Variants in LRP1B observed in about 807,000 individuals in gnomAD.
LRP1B encodes LDL receptor related protein 1B.
A neutral mutation model predicts 556.6 loss-of-function variants in LRP1B; 217 were observed. That is an observed-to-expected ratio of 0.39 (90% CI 0.35 to 0.44). The LOEUF (loss-of-function observed/expected upper bound fraction) is 0.44. LRP1B is among the 20% of genes least tolerant of loss of function. The pLI, the probability that LRP1B is intolerant of heterozygous loss-of-function variation, is 1.00. For missense variants in LRP1B, 5,053 were observed against 5,620.8 expected, an observed-to-expected ratio of 0.90 and a Z score of 3.23; for synonymous variants, 2,047 against 1,865.8, an observed-to-expected ratio of 1.10 and a Z score of -2.50.
intron 27 of LRP1B, among the ~76,000 whole-genome samples, chr2:140,855,732 A>G (rs1438528973): frequency 6.6e-6 from 1 of 151,938 alleles, no homozygotes; most frequent in Non-Finnish European, 1.5e-5. Flanking sequence ...GGAGGCCAAG[A>G]TAAGAGGATC....
chr2:140,755,289 G>A (rs1688707620), intron 35 of LRP1B, among the ~76,000 whole-genome samples: 1 of 151,942 alleles, frequency 6.6e-6, no homozygotes, highest in Non-Finnish European at 1.5e-5. Context: ...CAGATTATGA[G>A]GAAACACTTC....
chr2:141,858,637 G>C (rs991460320), intron 1 of LRP1B, among the ~76,000 whole-genome samples: 1 of 148,276 alleles, frequency 6.7e-6, no homozygotes, highest in African/African-American at 2.4e-5. Context: ...TATTGACTTA[G>C]TGTTCTGTTT....
chr2:140,853,689 T>TAAAC (rs1396651560), intron 27 of LRP1B, among the ~76,000 whole-genome samples: 16 of 151,722 alleles, frequency 1.1e-4, no homozygotes, highest in Non-Finnish European at 1.2e-4. Flanking sequence ...TTAAAAACAA[T>TAAAC]AAATAAATAA....
At chr2:141,333,245 C>T (rs1465309479) in intron 3 of LRP1B, among the ~76,000 whole-genome samples, 1 of 152,032 alleles carries the variant, frequency 6.6e-6, no homozygotes, top group Admixed American at 6.6e-5. Context: ...GGGATAAACG[C>T]CATGGCACTA....
In LRP1B at chr2:140,840,989, A is replaced by G. The variant is rs370461554; in HGVS notation, c.5043T>C (p.Asp1681=). The change falls in exon 30 of 91, where the codon GAT becomes GAC. Residue 1681 remains aspartate, a synonymous_variant. Transcript: ENST00000389484. ...DETQINVARL[D]GSLKTSIIHG... ...GGATAATTGAGGTTTTCAAAGAGCC[A>G]TCTAGCCTTGCCACATTAATTTGCG... The G allele has an allele frequency of 5.6e-6, 9 of 1,613,510 alleles. No individual in the cohort carries two copies. The highest frequency in any genetic ancestry group is 4.0e-5 in the African/African-American group (3 of 74,902).
intron 1 of LRP1B, among the ~76,000 whole-genome samples, chr2:142,122,844 A>C (rs1707505408): frequency 6.6e-6 from 1 of 152,106 alleles, no homozygotes; most frequent in Non-Finnish European, 1.5e-5. Flanking sequence ...TGCTATTCTA[A>C]CATTTTTGTC....
chr2:141,384,658 C>T lies in LRP1B; in HGVS notation c.343+95738G>A, dbSNP rs903774006. ...AGCATAATAGCTCAGCAGCATGCCA[C>T]AGGTTGCTCGGGGAAATAACACTCC... On this transcript the variant is annotated intron_variant, in intron 3 of 90. Coordinates refer to ENST00000389484, the MANE Select transcript of LRP1B (RefSeq NM_018557.3). Among the ~76,000 whole-genome samples, 9 of 152,204 alleles carry T rather than the reference C, an allele frequency of 5.9e-5. 1 individual carries two copies. The highest frequency in any genetic ancestry group is 2.6e-4 in the Admixed American group (4 of 15,294).
At chr2:142,110,163 C>T (rs946225867) in intron 1 of LRP1B, among the ~76,000 whole-genome samples, 9 of 152,030 alleles carry the variant, frequency 5.9e-5, no homozygotes, top group Non-Finnish European at 1.2e-4. Flanking sequence ...GCCCATCATT[C>T]TTCCTGGAAT....
intron 79 of LRP1B, among the ~76,000 whole-genome samples, chr2:140,328,599 C>G (rs1558805488): frequency 6.6e-6 from 1 of 151,844 alleles, no homozygotes; most frequent in Non-Finnish European, 1.5e-5. Context: ...AAAATTATAT[C>G]CATTCTGTTT....
intron 11 of LRP1B, among the ~76,000 whole-genome samples, chr2:141,026,123 C>T (rs1409619379): frequency 6.6e-6 from 1 of 152,024 alleles, no homozygotes; most frequent in Non-Finnish European, 1.5e-5. Context: ...CAATATATCA[C>T]ACCTATTCTC....
At chr2:142,114,561 T>G (rs1305075789) in intron 1 of LRP1B, among the ~76,000 whole-genome samples, 1 of 152,140 alleles carries the variant, frequency 6.6e-6, no homozygotes, top group Non-Finnish European at 1.5e-5. Flanking sequence ...GTGGTACATA[T>G]ACACAATGAA....
chr2:141,642,992 A>G (rs1017165638), intron 2 of LRP1B, among the ~76,000 whole-genome samples: 2 of 152,124 alleles, frequency 1.3e-5, no homozygotes, highest in African/African-American at 4.8e-5. Flanking sequence ...TAAAAGACAA[A>G]CTTAAGGGTC....
At chr2:140,394,511 G>A (rs1411324438) in intron 66 of LRP1B, among the ~76,000 whole-genome samples, 7 of 152,082 alleles carry the variant, frequency 4.6e-5, no homozygotes, top group Non-Finnish European at 1.0e-4. Flanking sequence ...AACTTTGCAG[G>A]CCAGAGGAAA....
At chr2:140,968,997 G>T (rs143357374) in intron 18 of LRP1B, among the ~76,000 whole-genome samples, 17,549 of 152,234 alleles carry the variant, frequency 0.12, 1,128 homozygotes, top group East Asian at 0.19. Flanking sequence ...TGAGAAAAAT[G>T]TATGTTCTGT....
At chr2:141,582,830 T>A (rs1314563494) in intron 2 of LRP1B, among the ~76,000 whole-genome samples, 2 of 114,446 alleles carry the variant, frequency 1.7e-5, no homozygotes, top group African/African-American at 8.4e-5. Flanking sequence ...TATTAAACTT[T>A]TTTTTTTTTT....
chr2:141,802,596 G>A (rs1228330782), intron 2 of LRP1B, among the ~76,000 whole-genome samples: 1 of 152,066 alleles, frequency 6.6e-6, no homozygotes, highest in Non-Finnish European at 1.5e-5. Flanking sequence ...TTTCAGGGTA[G>A]AATGATGGAA....
At chr2:140,537,434 TCCTC>T (rs1357409381) in intron 45 of LRP1B, among the ~76,000 whole-genome samples, 2 of 151,984 alleles carry the variant, frequency 1.3e-5, no homozygotes, top group Non-Finnish European at 2.9e-5. Flanking sequence ...CGTCTGGTCT[TCCTC>T]CCTAACTATC....
intron 2 of LRP1B, among the ~76,000 whole-genome samples, chr2:141,616,475 A>G (rs1243742082): frequency 6.6e-6 from 1 of 152,148 alleles, no homozygotes; most frequent in Non-Finnish European, 1.5e-5. Context: ...AATTAGTTTA[A>G]AATTCTCTCT....
chr2:141,289,510 T>C (rs1050243330), intron 3 of LRP1B, among the ~76,000 whole-genome samples: 1 of 152,070 alleles, frequency 6.6e-6, no homozygotes, highest in Non-Finnish European at 1.5e-5. Context: ...ATTATTTACA[T>C]TTATTTCAAC....
Sources: gnomAD v4.1 joint callset for allele counts (sites outside exome capture counted in the v4.1 genomes callset) on GRCh38, gnomAD v4.1.1 for gene constraint, MANE v1.5 for transcripts, NCBI Gene and HGNC (gene_info 2026-07-23, HGNC 2026-07-21) for gene names.